Variants in SUCO observed in about 807,000 individuals in gnomAD.
The protein encoded by SUCO is SUN domain-containing ossification factor.
In SUCO, 57 loss-of-function variants were observed where a neutral mutation model predicts 148.1. That is an observed-to-expected ratio of 0.38 (90% CI 0.31 to 0.48). The LOEUF (loss-of-function observed/expected upper bound fraction) is 0.48. Ranked by LOEUF, SUCO falls within the 20% of genes least tolerant of loss-of-function variation. SUCO has a pLI of 0.96. For synonymous variants in SUCO, 470 were observed against 502.7 expected (o/e 0.93, Z 0.87); for missense variants, 1,331 against 1,468.2 (o/e 0.91, Z 1.53).
At chr1:172,555,742 T>G (rs1196163717) in intron 3 of SUCO, 127 bp from the exon 4 acceptor site, 1 of 755,304 alleles carries the variant, frequency 1.3e-6, no homozygotes, top group Non-Finnish European at 1.9e-6. Flanking sequence ...TTTATAAAAG[T>G]ACTTTTTTTA....
intron 10 of SUCO, 142 bp downstream of exon 10, chr1:172,574,140 C>A: frequency 1.7e-6 from 1 of 605,268 alleles, no homozygotes; most frequent in Non-Finnish European, 2.9e-6. Context: ...GATAATACGA[C>A]TGTATTGTAG....
At chr1:172,588,159 A>G (rs28683107) in intron 17 of SUCO, 38 of 985,062 alleles carry the variant, frequency 3.9e-5, no homozygotes, top group Non-Finnish European at 4.3e-5. Context: ...AGATAATCCT[A>G]TGTGTGTAGG....
chr1:172,577,655 G>A, intron 12 of SUCO, 96 bp downstream of exon 12: 1 of 1,574,620 alleles, frequency 6.4e-7, no homozygotes. Flanking sequence ...GGAAAATAAG[G>A]ACTTTATAGA....
chr1:172,581,159 C>A (rs1394283484), intron 15 of SUCO, among the ~76,000 whole-genome samples: 6 of 152,088 alleles, frequency 3.9e-5, no homozygotes, highest in African/African-American at 1.4e-4. Flanking sequence ...GAAGACATTT[C>A]CCTGTTTGTA....
intron 19 of SUCO, among the ~76,000 whole-genome samples, chr1:172,594,796 C>A (rs1656963109): frequency 6.6e-6 from 1 of 152,162 alleles, no homozygotes; most frequent in South Asian, 2.1e-4. Context: ...ATTAAGTTGG[C>A]TCAGTGCAGA....
rs915961587 is a variant in SUCO at position 172,541,961 on chromosome 1, A to C, written c.62+8464A>C. 1.3e-5 allele frequency: 6 copies of C among 476,158 alleles called. No homozygotes were observed. The African/African-American group carries it at 1.3e-4, about 10-fold the overall frequency. 29.5% of individuals were successfully genotyped at this position (476,158 alleles called of 1,614,324 possible). A position where few individuals can be genotyped will look rare whatever the true frequency, so the allele number is the denominator to read the frequency against. On this transcript the variant is annotated intron_variant, in intron 1 of 23. Transcript: ENST00000263688. ...CAACTAGAAGAATTGGTGGTGGTCAAAAAGAAGTGGAAGAGTTGGCAAAGG... is the reference window on the plus strand; with the variant it reads ...CAACTAGAAGAATTGGTGGTGGTCACAAAGAAGTGGAAGAGTTGGCAAAGG...
chr1:172,562,809 T>A (rs185268372), intron 6 of SUCO, among the ~76,000 whole-genome samples: 2 of 152,342 alleles, frequency 1.3e-5, no homozygotes, highest in African/African-American at 4.8e-5. Context: ...TTTAGCTCTG[T>A]GTCGCCACCC....
intron 11 of SUCO, chr1:172,576,937 T>G (rs951312151): frequency 6.5e-5 from 47 of 717,600 alleles, no homozygotes; most frequent in Non-Finnish European, 7.5e-5. Flanking sequence ...AATCTACTAC[T>G]TTTTAATAGC....
chr1:172,582,354 A>G (rs544409373), intron 15 of SUCO, among the ~76,000 whole-genome samples: 74 of 152,252 alleles, frequency 4.9e-4, no homozygotes, highest in African/African-American at 1.8e-3. Flanking sequence ...TGTATTATAT[A>G]AACTCTTCAA....
At chr1:172,550,274 T>C (rs1308028838) in intron 1 of SUCO, among the ~76,000 whole-genome samples, 2 of 152,030 alleles carry the variant, frequency 1.3e-5, no homozygotes, top group Non-Finnish European at 2.9e-5. Flanking sequence ...TTATTTTGAA[T>C]TGTGAAATTG....
At chr1:172,590,465 A>G (rs1008500074) in intron 18 of SUCO, 11 of 541,830 alleles carry the variant, frequency 2.0e-5, no homozygotes, top group Non-Finnish European at 2.6e-5. Flanking sequence ...ATTCATTAAG[A>G]CACCAGGCCT....
Position 172,589,597 on chromosome 1 carries a change from T to C in SUCO, c.2496T>C (p.Thr832=). 6.2e-7 allele frequency: 1 copy of C among 1,613,854 alleles called. No individual in the cohort carries two copies. Among genetic ancestry groups the C allele is most frequent in the Non-Finnish European group, 8.5e-7 (1 of 1,179,890 alleles). ...ETIVPPINTA[T]VPDNEDGEAK... ...TAGTGCCACCAATAAATACAGCCACTGTACCCGACAATGAAGATGGGGAAG... is the reference window on the plus strand; with the variant it reads ...TAGTGCCACCAATAAATACAGCCACCGTACCCGACAATGAAGATGGGGAAG... Residue 832 remains threonine, a synonymous_variant, in exon 18 of 24, where the codon ACT becomes ACC. Coordinates refer to ENST00000263688, the MANE Select transcript of SUCO (RefSeq NM_014283.5).
chr1:172,598,132 T>C (rs563405494), intron 19 of SUCO, among the ~76,000 whole-genome samples: 1 of 152,322 alleles, frequency 6.6e-6, no homozygotes, highest in Non-Finnish European at 1.5e-5. Flanking sequence ...ATCAAAGTTC[T>C]TTTTGGAAAG....
intron 16 of SUCO, among the ~76,000 whole-genome samples, chr1:172,585,425 A>C (rs926025747): frequency 6.6e-6 from 1 of 152,144 alleles, no homozygotes; most frequent in Non-Finnish European, 1.5e-5. Flanking sequence ...TTAAATAGCT[A>C]CTTGATTTAG....
Position 172,589,725 on chromosome 1 carries a change from C to T in SUCO, c.2624C>T (p.Ala875Val), listed in dbSNP as rs757408631. The change falls in exon 18 of 24, where the codon GCC (alanine) becomes GTC (valine). Residue 875 changes from alanine (A) to valine (V), a missense_variant. Physicochemically the swap from Ala to Val is moderately conservative, Grantham distance 64. Coordinates refer to ENST00000263688, the MANE Select transcript of SUCO (RefSeq NM_014283.5). ...VKEEEQSPEDALLRGLQRTAT... is the reference protein window; with the variant it reads ...VKEEEQSPEDVLLRGLQRTAT... ...GAAGAAGAACAGTCTCCAGAAGATG[C>T]CCTTTTGAGAGGGTTACAGAGGACA... 7 of 1,613,232 alleles carry T rather than the reference C, an allele frequency of 4.3e-6. No individual in the cohort carries two copies. In the East Asian group the frequency reaches 1.6e-4, roughly 36 times the overall value.
At chr1:172,603,597 C>CT (rs943000251) in intron 22 of SUCO, among the ~76,000 whole-genome samples, 4 of 151,656 alleles carry the variant, frequency 2.6e-5, no homozygotes, top group African/African-American at 9.7e-5. Context: ...TTGCTTTTTT[C>CT]TTTTTCTTTT....
At chr1:172,564,432 G>C (rs575896460) in intron 6 of SUCO, among the ~76,000 whole-genome samples, 25 of 152,280 alleles carry the variant, frequency 1.6e-4, no homozygotes, top group Admixed American at 1.6e-3. Context: ...GAGTTCTTGC[G>C]TGATCTGGTT....
intron 23 of SUCO, chr1:172,609,188 C>T (rs1396387561): frequency 1.1e-6 from 1 of 910,540 alleles, no homozygotes; most frequent in African/African-American, 1.8e-5. Flanking sequence ...CTCTAATCCT[C>T]ACCACAACCT....
intron 19 of SUCO, among the ~76,000 whole-genome samples, chr1:172,598,246 A>G (rs2149267763): frequency 6.6e-6 from 1 of 152,286 alleles, no homozygotes; most frequent in East Asian, 1.9e-4. Context: ...ATTTGATAAA[A>G]ATCAGTTAAC....
Sources: gnomAD v4.1 joint callset for allele counts (sites outside exome capture counted in the v4.1 genomes callset) on GRCh38, gnomAD v4.1.1 for gene constraint, MANE v1.5 for transcripts, NCBI Gene and HGNC (gene_info 2026-07-23, HGNC 2026-07-21) for gene names.